The following ZFAT variants were observed in gnomAD, a reference collection of about 807,000 sequenced individuals.
The protein encoded by ZFAT is zinc finger protein ZFAT.
Under a neutral mutation model 117.7 loss-of-function variants are expected in ZFAT, and 64 were observed. The observed-to-expected ratio is 0.54, with a 90% CI of 0.44 to 0.67. The LOEUF is 0.67. Among genes scored for constraint, ZFAT ranks in the 30% least tolerant of loss-of-function variants. The pLI is 0.00. For missense variants in ZFAT, 1,433 were observed against 1,584.5 expected (o/e 0.90, Z 1.62); for synonymous variants, 679 against 615.0 (o/e 1.10, Z -1.54).
At chr8:134,811,462 C>T in the ZFAT span, among the ~76,000 whole-genome samples, 1 of 152,088 alleles carries the variant, frequency 6.6e-6, no homozygotes, top group Non-Finnish European at 1.5e-5. Flanking sequence ...CGCCAATAAC[C>T]ACAATACCAT....
intron 15 of ZFAT, among the ~76,000 whole-genome samples, chr8:134,491,152 C>T (rs553841742): frequency 6.6e-6 from 1 of 152,316 alleles, no homozygotes; most frequent in Non-Finnish European, 1.5e-5. Context: ...AACCTAGAAC[C>T]TAACTGTTTC....
At chr8:134,590,824 C>T (rs1257010994) in intron 7 of ZFAT, among the ~76,000 whole-genome samples, 1 of 152,106 alleles carries the variant, frequency 6.6e-6, no homozygotes, top group Non-Finnish European at 1.5e-5. Flanking sequence ...ATCAACATCA[C>T]CACGACCCCC....
At chr8:134,623,450 T>A (rs1829275610) in intron 3 of ZFAT, among the ~76,000 whole-genome samples, 1 of 152,144 alleles carries the variant, frequency 6.6e-6, no homozygotes, top group African/African-American at 2.4e-5. Context: ...TATCCTGCAG[T>A]CCCCAGATCA....
At chr8:134,738,366 T>G in the ZFAT span, among the ~76,000 whole-genome samples, 3 of 152,182 alleles carry the variant, frequency 2.0e-5, no homozygotes, top group Non-Finnish European at 4.4e-5. Context: ...AGCTTCCATC[T>G]CATTATCTAT....
intron 11 of ZFAT, among the ~76,000 whole-genome samples, chr8:134,534,775 A>AAGAGAGAGAG (rs36097833): frequency 0.091 from 12,386 of 136,122 alleles, 664 homozygotes; most frequent in South Asian, 0.18. Flanking sequence ...GAGAGGGAGA[A>AAGAGAGAGAG]AGAGAGAGAG....
At chr8:134,757,610 T>C in the ZFAT span, among the ~76,000 whole-genome samples, 2 of 152,138 alleles carry the variant, frequency 1.3e-5, no homozygotes, top group Non-Finnish European at 2.9e-5. Flanking sequence ...TCTCCTGGTA[T>C]ACTTCCGGCA....
At chr8:134,578,716 C>G (rs897503946) in intron 10 of ZFAT, among the ~76,000 whole-genome samples, 2 of 151,998 alleles carry the variant, frequency 1.3e-5, no homozygotes, top group African/African-American at 4.8e-5. Context: ...TGACAGTGGC[C>G]AGTACAAAAA....
the ZFAT span, among the ~76,000 whole-genome samples, chr8:134,829,411 C>T: frequency 1.9e-4 from 29 of 152,322 alleles, no homozygotes; most frequent in Non-Finnish European, 3.5e-4. Flanking sequence ...TTTTCCCACT[C>T]AGTTAAACCA....
intron 1 of ZFAT, among the ~76,000 whole-genome samples, chr8:134,664,633 G>A (rs1185426185): frequency 1.3e-5 from 2 of 152,226 alleles, no homozygotes; most frequent in Non-Finnish European, 2.9e-5. Flanking sequence ...AAATGCCAAA[G>A]CACACAGAGA....
At chr8:134,758,489 G>C in the ZFAT span, among the ~76,000 whole-genome samples, 2 of 152,222 alleles carry the variant, frequency 1.3e-5, no homozygotes, top group Non-Finnish European at 2.9e-5. Context: ...CCAATCTTTG[G>C]TTCTGTTTTG....
At chr8:134,601,111 T>C (rs1827409273) in intron 6 of ZFAT, among the ~76,000 whole-genome samples, 1 of 152,208 alleles carries the variant, frequency 6.6e-6, no homozygotes, top group Admixed American at 6.5e-5. Flanking sequence ...TACAGAGAGC[T>C]GCAGCCACTT....
chr8:134,642,736 C>T (rs1830654844), intron 2 of ZFAT, among the ~76,000 whole-genome samples: 3 of 152,226 alleles, frequency 2.0e-5, no homozygotes, highest in Admixed American at 2.0e-4. Flanking sequence ...TCCCAGCACT[C>T]GCACAGGGCA....
chr8:134,735,346 C>G, the ZFAT span, among the ~76,000 whole-genome samples: 1 of 152,158 alleles, frequency 6.6e-6, no homozygotes, highest in Admixed American at 6.6e-5. Context: ...GTCTTTTCCC[C>G]AAAAGCTTAC....
chr8:134,594,340 C>T (rs577278944), intron 7 of ZFAT, among the ~76,000 whole-genome samples: 12 of 152,318 alleles, frequency 7.9e-5, no homozygotes, highest in Admixed American at 5.9e-4. Context: ...AGTACACATA[C>T]TGACCGGGTG....
chr8:134,694,370 G>A (rs1172037083), intron 1 of ZFAT, among the ~76,000 whole-genome samples: 1 of 152,108 alleles, frequency 6.6e-6, no homozygotes, highest in Non-Finnish European at 1.5e-5. Context: ...TAGGCAAAGG[G>A]GCATCAGCTC....
intron 3 of ZFAT, among the ~76,000 whole-genome samples, chr8:134,616,331 C>T (rs1322246862): frequency 2.6e-5 from 4 of 152,178 alleles, no homozygotes; most frequent in Admixed American, 6.5e-5. Flanking sequence ...TAATTTTCTG[C>T]CCACTCCCTT....
chr8:134,775,814 C>A, the ZFAT span, among the ~76,000 whole-genome samples: 1 of 152,290 alleles, frequency 6.6e-6, no homozygotes, highest in African/African-American at 2.4e-5. Flanking sequence ...GAAAACCCCA[C>A]TATTATTTCC....
upstream of ZFAT, chr8:134,713,102 C>T (rs1814087980): frequency 7.1e-6 from 3 of 419,982 alleles, no homozygotes; most frequent in Admixed American, 4.6e-5. Context: ...GTGACCCTCC[C>T]CCGGCGCCGA....
At chr8:134,521,637 A>G (rs1032318514) in intron 12 of ZFAT, among the ~76,000 whole-genome samples, 1 of 152,208 alleles carries the variant, frequency 6.6e-6, no homozygotes, top group African/African-American at 2.4e-5. Context: ...GGTTTAAAAA[A>G]AAAAACAAAA....
Sources: gnomAD v4.1 joint callset for allele counts (sites outside exome capture counted in the v4.1 genomes callset) on GRCh38, gnomAD v4.1.1 for gene constraint, MANE v1.5 for transcripts, NCBI Gene and HGNC (gene_info 2026-07-23, HGNC 2026-07-21) for gene names.